The following FGD6 variants were observed in gnomAD, a reference collection of about 807,000 sequenced individuals.
FGD6 encodes FYVE, RhoGEF and PH domain containing 6.
In FGD6, 90 loss-of-function variants were observed where a neutral mutation model predicts 149.4. The ratio of observed to expected loss-of-function variants is 0.60; its 90% confidence interval spans 0.51 to 0.72. FGD6 has a LOEUF of 0.72. FGD6 is among the 30% of genes least tolerant of loss of function. The pLI is 0.00. For missense variants in FGD6, 1,437 were observed against 1,684.8 expected (o/e 0.85, Z 2.57); for synonymous variants, 527 against 584.0 (o/e 0.90, Z 1.41).
Position 95,210,884 on chromosome 12 carries a change from C to T in FGD6, c.400G>A (p.Glu134Lys). The change falls in exon 2 of 21, where the codon GAG (glutamate) becomes AAG (lysine). Residue 134 changes from glutamate (E) to lysine (K), a missense_variant. Glu to Lys is a moderately conservative substitution (Grantham distance 56). Coordinates refer to ENST00000343958, the MANE Select transcript of FGD6 (RefSeq NM_018351.4). ...AAATTTTCATTCATTTCCAGGGGCT[C>T]TAAAACAAGCTGCTTTACACACAAA... Reference protein sequence around the residue: ...ENLCVKQLVLEPLEMNENLEN... With the variant: ...ENLCVKQLVLKPLEMNENLEN... 6.2e-7 allele frequency: 1 copy of T among 1,612,894 alleles called. No homozygotes were observed. Among genetic ancestry groups the T allele is most frequent in the Non-Finnish European group, 8.5e-7 (1 of 1,179,746 alleles).
intron 5 of FGD6, among the ~76,000 whole-genome samples, chr12:95,150,078 A>G (rs527678272): frequency 1.0e-3 from 155 of 148,594 alleles, no homozygotes; most frequent in Non-Finnish European, 2.0e-3. Context: ...CCCAGGCTGG[A>G]GTGCAATGGC....
At chr12:95,205,549 C>G (rs1364804595) in intron 2 of FGD6, among the ~76,000 whole-genome samples, 1 of 152,080 alleles carries the variant, frequency 6.6e-6, no homozygotes, top group Admixed American at 6.6e-5. Context: ...ATTTTAGAAC[C>G]CCAGTCAGTG....
intron 9 of FGD6, among the ~76,000 whole-genome samples, chr12:95,110,857 T>C (rs1186621036): frequency 6.6e-6 from 1 of 152,148 alleles, no homozygotes; most frequent in Admixed American, 6.5e-5. Context: ...CATGCTGTGA[T>C]TCTACTTTCC....
At chr12:95,157,956 T>G (rs943308694) in intron 3 of FGD6, among the ~76,000 whole-genome samples, 2 of 152,136 alleles carry the variant, frequency 1.3e-5, no homozygotes, top group Non-Finnish European at 2.9e-5. Flanking sequence ...CAAGCGATTT[T>G]CCTGCCTTAG....
At chr12:95,100,928 A>G in intron 14 of FGD6, 1 of 369,424 alleles carries the variant, frequency 2.7e-6, no homozygotes, top group South Asian at 2.5e-5. Context: ...CAAGAAACTG[A>G]AGCTGTCTAC....
chr12:95,152,592 T>C (rs542249818), intron 5 of FGD6, among the ~76,000 whole-genome samples: 2 of 152,320 alleles, frequency 1.3e-5, no homozygotes, highest in African/African-American at 4.8e-5. Flanking sequence ...TAAGAAAATA[T>C]ATTATCACCT....
chr12:95,144,859 T>G (rs1464215417), intron 5 of FGD6, among the ~76,000 whole-genome samples: 3 of 151,796 alleles, frequency 2.0e-5, no homozygotes, highest in African/African-American at 4.8e-5. Context: ...TGGCTAATTT[T>G]TGTATTTTTA....
intron 18 of FGD6, among the ~76,000 whole-genome samples, chr12:95,088,034 T>C (rs1398537612): frequency 4.6e-5 from 7 of 152,236 alleles, no homozygotes; most frequent in Non-Finnish European, 7.3e-5. Context: ...TAAGTTGTTA[T>C]TAATGTTGCT....
chr12:95,116,866 C>G, intron 8 of FGD6: 1 of 455,976 alleles, frequency 2.2e-6, no homozygotes, highest in South Asian at 1.5e-5. Context: ...GCCTGGATCT[C>G]CTTAAACAGT....
intron 5 of FGD6, among the ~76,000 whole-genome samples, chr12:95,151,176 A>G (rs1346659396): frequency 6.6e-6 from 1 of 152,220 alleles, no homozygotes; most frequent in African/African-American, 2.4e-5. Flanking sequence ...AACTATTCAC[A>G]GGGAAATATT....
At chr12:95,107,421 C>T in intron 12 of FGD6, 142 bp downstream of exon 12, 1 of 655,810 alleles carries the variant, frequency 1.5e-6, no homozygotes, top group South Asian at 2.1e-5. Context: ...ACTTGAAATG[C>T]AATTAAGTGG....
At chr12:95,132,330 A>G (rs927229759) in intron 8 of FGD6, among the ~76,000 whole-genome samples, 1 of 152,206 alleles carries the variant, frequency 6.6e-6, no homozygotes, top group Non-Finnish European at 1.5e-5. Context: ...CTATTTTAGT[A>G]AAGAGAGTTT....
chr12:95,150,332 ATT>A (rs1277314772), intron 5 of FGD6, among the ~76,000 whole-genome samples: 2 of 151,806 alleles, frequency 1.3e-5, no homozygotes, highest in Non-Finnish European at 2.9e-5. Context: ...CGGCCCAAAT[ATT>A]TTTTTAAATG....
chr12:95,200,059 TAAAAC>T (rs1269258206), intron 2 of FGD6, among the ~76,000 whole-genome samples: 3 of 152,160 alleles, frequency 2.0e-5, no homozygotes, highest in African/African-American at 4.8e-5. Flanking sequence ...TTTTCAGATA[TAAAAC>T]AAAACAAAAC....
At chr12:95,187,285 C>T (rs1438258900) in intron 2 of FGD6, among the ~76,000 whole-genome samples, 24 of 147,344 alleles carry the variant, frequency 1.6e-4, no homozygotes, top group Admixed American at 1.1e-3. Flanking sequence ...GAGCCGAGAT[C>T]GTGCCACTGC....
At position 95,210,758 on chromosome 12, in the gene FGD6, C is replaced by T. The variant is rs1195224573; in HGVS notation, c.526G>A (p.Ala176Thr). The change falls in exon 2 of 21, where the codon GCA becomes ACA. Residue 176 changes from alanine to threonine, a missense_variant. Physicochemically the swap from Ala to Thr is moderately conservative, Grantham distance 58. Around this residue, in one of 2 missense-constraint regions of FGD6, gnomAD observed 1,055 missense variants for 1,146.0 expected, o/e 0.92. Transcript: ENST00000343958. ...AKNQGGVVLK[A>T]SVLEEELKDA... The stretch of plus-strand genomic sequence containing the variant: ...TTGAGCTCCTCTTCTAAAACGCTTG[C>T]CTTTAAAACAACCCCACCCTGGTTC... 7 of 1,614,062 alleles carry T rather than the reference C, an allele frequency of 4.3e-6. No homozygotes were observed. Among genetic ancestry groups the T allele is most frequent in the Non-Finnish European group, 5.1e-6 (6 of 1,180,006 alleles).
At chr12:95,102,443 C>CAAAAAAAAAAA (rs55926317) in intron 14 of FGD6, among the ~76,000 whole-genome samples, 8 of 104,214 alleles carry the variant, frequency 7.7e-5, no homozygotes, top group South Asian at 3.5e-4. Flanking sequence ...GACCCTTTCT[C>CAAAAAAAAAAA]AAAAAAAAAA....
At chr12:95,152,426 G>C (rs538072030) in intron 5 of FGD6, among the ~76,000 whole-genome samples, 67 of 152,290 alleles carry the variant, frequency 4.4e-4, no homozygotes, top group African/African-American at 1.3e-3. Context: ...CCTAAATGGA[G>C]GTAGTAAAAG....
rs143881424 is a variant in FGD6 at position 95,216,669 on chromosome 12, CAAAAA to C, written c.16+551_16+555del. On this transcript the variant is annotated intron_variant, in intron 1 of 20. Coordinates refer to ENST00000343958, the MANE Select transcript of FGD6 (RefSeq NM_018351.4). ...ATAATTGTAATTGGGTGCAGACAAG[CAAAAA>C]AAAAAAAAAAAAAAAAACCTCAACA... 1.1e-4 allele frequency among the ~76,000 whole-genome samples: 10 copies of C among 88,732 alleles called. No individual in the cohort carries two copies. In the East Asian group the frequency reaches 1.9e-3, roughly 17 times the overall value. The allele number at this position is 88,732 out of a possible 152,430, so 58.2% of individuals were successfully genotyped here.
Sources: gnomAD v4.1 joint callset for allele counts (sites outside exome capture counted in the v4.1 genomes callset) on GRCh38, gnomAD v4.1.1 for gene constraint, gnomAD v4.1.1 regional missense constraint, MANE v1.5 for transcripts, NCBI Gene and HGNC (gene_info 2026-07-23, HGNC 2026-07-21) for gene names.